CDH2: variants seen among roughly 807,000 people sequenced by gnomAD.
CDH2 encodes cadherin-2.
A neutral mutation model predicts 92.0 loss-of-function variants in CDH2; 17 were observed. The ratio of observed to expected loss-of-function variants is 0.18; its 90% CI spans 0.13 to 0.28. The LOEUF is 0.28. CDH2 is among the 10% of genes least tolerant of loss of function. The pLI, the probability that CDH2 is intolerant of heterozygous loss-of-function variation, is 1.00. For missense variants in CDH2, 862 were observed against 1,133.1 expected, an observed-to-expected ratio of 0.76 and a Z score of 3.44; for synonymous variants, 419 against 415.9, an observed-to-expected ratio of 1.01 and a Z score of -0.09.
chr18:28,128,465 G>A (rs2015712461), intron 2 of CDH2, among the ~76,000 whole-genome samples: 1 of 152,104 alleles, frequency 6.6e-6, no homozygotes, highest in Admixed American at 6.6e-5. Flanking sequence ...AGCCTCAGCA[G>A]GCGGATCTCA....
intron 15 of CDH2, among the ~76,000 whole-genome samples, chr18:27,953,445 T>G (rs1909558705): frequency 1.3e-5 from 2 of 152,186 alleles, no homozygotes; most frequent in African/African-American, 2.4e-5. Context: ...AAACAATCGT[T>G]TGCTTTTTCC....
chr18:28,043,487 T>TATATATATAA, intron 2 of CDH2, among the ~76,000 whole-genome samples: 1 of 75,242 alleles, frequency 1.3e-5, no homozygotes, highest in Non-Finnish European at 2.5e-5. Context: ...TATATATATA[T>TATATATATAA]ATATATAAAT....
chr18:28,130,947 A>G (rs1281783074), intron 2 of CDH2, among the ~76,000 whole-genome samples: 3 of 152,198 alleles, frequency 2.0e-5, no homozygotes, highest in East Asian at 1.9e-4. Context: ...CACCACATGC[A>G]TGGACACGCA....
intron 6 of CDH2, among the ~76,000 whole-genome samples, chr18:27,938,826 G>A (rs1909075764): frequency 6.6e-6 from 1 of 152,048 alleles, no homozygotes; most frequent in African/African-American, 2.4e-5. Context: ...CCAATTAACT[G>A]GTATAGAAGC....
Position 28,065,277 on chromosome 18 carries a change from G to A in CDH2, c.173-51368C>T, listed in dbSNP as rs1247130761. 2.0e-5 allele frequency among the ~76,000 whole-genome samples: 3 copies of A among 151,972 alleles called. No individual in the cohort carries two copies. The South Asian group carries it at 6.2e-4, about 31-fold the overall frequency. On this transcript the variant is annotated intron_variant, in intron 2 of 15. Coordinates refer to ENST00000269141, the MANE Select transcript of CDH2 (RefSeq NM_001792.5). ...GATCTAAGCCAAGATCTAAGCTAGG[G>A]TCCCAACTCTATCAGGCATCACAGC...
intron 2 of CDH2, among the ~76,000 whole-genome samples, chr18:28,021,253 G>A (rs1342145892): frequency 1.3e-5 from 2 of 151,838 alleles, no homozygotes; most frequent in African/African-American, 4.8e-5. Flanking sequence ...TTTCAAAAAC[G>A]ATTTTAAAAT....
chr18:27,997,691 A>C (rs1455992675), intron 7 of CDH2, among the ~76,000 whole-genome samples: 4 of 152,144 alleles, frequency 2.6e-5, no homozygotes, highest in South Asian at 2.1e-4. Flanking sequence ...ATTCATCATA[A>C]ATCACGGGTT....
chr18:28,157,359 G>A (rs1015621999), intron 1 of CDH2, among the ~76,000 whole-genome samples: 11 of 152,302 alleles, frequency 7.2e-5, no homozygotes, highest in Admixed American at 3.3e-4. Context: ...TATTTACTGA[G>A]TGCTTAATAT....
chr18:28,079,919 A>T (rs1470511433), intron 2 of CDH2, among the ~76,000 whole-genome samples: 1 of 152,180 alleles, frequency 6.6e-6, no homozygotes, highest in Non-Finnish European at 1.5e-5. Context: ...AGCAAAATAT[A>T]ATTTTAGCAA....
intron 4 of CDH2, 27 bp from the exon 5 acceptor site, chr18:28,009,899 A>G (rs748831092): frequency 1.3e-6 from 2 of 1,576,718 alleles, no homozygotes; most frequent in East Asian, 4.5e-5. Flanking sequence ...CAATGACATT[A>G]AGTGAGAGAC....
intron 2 of CDH2, among the ~76,000 whole-genome samples, chr18:28,019,761 G>T (rs2013357268): frequency 6.6e-6 from 1 of 152,056 alleles, no homozygotes; most frequent in Non-Finnish European, 1.5e-5. Context: ...TTAAAAACAG[G>T]TGCTAATTCT....
chr18:27,963,988 G>A (rs2011476627), intron 14 of CDH2, among the ~76,000 whole-genome samples: 1 of 152,178 alleles, frequency 6.6e-6, no homozygotes, highest in South Asian at 2.1e-4. Context: ...CTAGAGCAGA[G>A]GTCAGAAAAC....
intron 2 of CDH2, among the ~76,000 whole-genome samples, chr18:28,051,363 T>TACTAA (rs2144126928): frequency 6.6e-6 from 1 of 152,088 alleles, no homozygotes; most frequent in African/African-American, 2.4e-5. Flanking sequence ...CTTGGGAAAA[T>TACTAA]ACTAAATAGA....
chr18:27,972,283 T>C (rs1211882871), intron 14 of CDH2, among the ~76,000 whole-genome samples: 1 of 152,214 alleles, frequency 6.6e-6, no homozygotes, highest in Non-Finnish European at 1.5e-5. Flanking sequence ...TAAAGTCATA[T>C]TACCAGTGGT....
At chr18:28,076,314 TC>T (rs2014717700) in intron 2 of CDH2, among the ~76,000 whole-genome samples, 1 of 152,142 alleles carries the variant, frequency 6.6e-6, no homozygotes, top group Non-Finnish European at 1.5e-5. Context: ...TGTTTTCTTA[TC>T]CCGGCCTTAC....
intron 2 of CDH2, among the ~76,000 whole-genome samples, chr18:28,142,174 G>C (rs150055105): frequency 6.6e-6 from 1 of 152,130 alleles, no homozygotes; most frequent in East Asian, 1.9e-4. Context: ...AAAAGGACAG[G>C]TTTTAAACCA....
rs942038827 is a variant in CDH2 at position 27,993,672 on chromosome 18, C to T, written c.1021-35G>A. On this transcript the variant is annotated intron_variant, in intron 7 of 15. Coordinates refer to ENST00000269141, the MANE Select transcript of CDH2 (RefSeq NM_001792.5). Reference sequence around the variant, plus strand: ...CATAAAGATAAGAACTTAAATGAAACTAATTCCTCAAGAAGACATAACAGT... The same window carrying T: ...CATAAAGATAAGAACTTAAATGAAATTAATTCCTCAAGAAGACATAACAGT... 7 of 1,498,770 alleles carry T rather than the reference C, an allele frequency of 4.7e-6. No homozygotes were observed. In the African/African-American group the frequency reaches 5.5e-5, roughly 12 times the overall value. 92.8% of individuals were successfully genotyped at this position (1,498,770 alleles called of 1,614,324 possible).
rs35562216 is a variant in CDH2, at chr18:28,166,149, CATATATATATATATAT to C, written c.60+10798_60+10813del. Among the ~76,000 whole-genome samples, 223 of 59,280 alleles carry C rather than the reference CATATATATATATATAT, an allele frequency of 3.8e-3. 4 individuals are homozygous for C. The highest frequency in any genetic ancestry group is 7.9e-3 in the South Asian group (11 of 1,384). 38.9% of individuals were successfully genotyped at this position (59,280 alleles called of 152,430 possible). On this transcript the variant is annotated intron_variant, in intron 1 of 15. Coordinates refer to ENST00000269141, the MANE Select transcript of CDH2 (RefSeq NM_001792.5). ...CAAAGAGGAGTAATTCAGACACACT[CATATATATATATATAT>C]ATATATATGTCTGTATTTTAATTAT... is the stretch of plus-strand genomic sequence containing the variant.
intron 15 of CDH2, among the ~76,000 whole-genome samples, chr18:27,958,532 T>C (rs1449593443): frequency 1.3e-5 from 2 of 149,964 alleles, no homozygotes; most frequent in African/African-American, 4.9e-5. Flanking sequence ...TATTTGTATA[T>C]ACACATATAT....
Sources: allele counts gnomAD v4.1 joint callset (sites outside exome capture counted in the v4.1 genomes callset), GRCh38; gene constraint gnomAD v4.1.1; transcripts MANE v1.5; gene names NCBI Gene and HGNC (gene_info 2026-07-23, HGNC 2026-07-21).